Variants in NIT2 observed in about 807,000 individuals in gnomAD.
NIT2 encodes the protein nitrilase family member 2.
In NIT2, 46 loss-of-function variants were observed where a neutral mutation model predicts 42.7. That is an observed-to-expected ratio of 1.08 (90% CI 0.85 to 1.38). The LOEUF (loss-of-function observed/expected upper bound fraction) is 1.38, where lower values mean the gene tolerates loss of function less well. NIT2 is among the 40% of genes most tolerant of loss of function. NIT2 has a pLI of 0.00. For synonymous variants in NIT2, 123 were observed against 121.9 expected (o/e 1.01, Z -0.06); for missense variants, 309 against 342.5 (o/e 0.90, Z 0.77).
At chr3:100,355,085 G>C in intron 9 of NIT2, 92 bp from the exon 10 acceptor site, 1 of 930,306 alleles carries the variant, frequency 1.1e-6, no homozygotes. Context: ...TACTTACTAA[G>C]ACTCTGGTGG....
At chr3:100,349,107 A>AATT in intron 7 of NIT2, 1 of 316,776 alleles carries the variant, frequency 3.2e-6, no homozygotes, top group Non-Finnish European at 5.7e-6. Context: ...TGGAAACTGT[A>AATT]CTTTTTTTTT....
chr3:100,341,047 T>C (rs372174190), intron 3 of NIT2, 26 bp from the exon 4 acceptor site: 6 of 1,477,918 alleles, frequency 4.1e-6, no homozygotes, highest in East Asian at 2.3e-5. Context: ...CTTTTTCTTA[T>C]GGTATGTTTC....
chr3:100,352,615 A>C (rs1236963551), intron 8 of NIT2, 113 bp downstream of exon 8: 2 of 646,162 alleles, frequency 3.1e-6, no homozygotes, highest in Non-Finnish European at 5.5e-6. Flanking sequence ...TCTCACTCCC[A>C]TTTCCCCACA....
rs2148886050 is a variant in NIT2 at position 100,358,163 on chromosome 3, T to G, written c.*2895T>G. On this transcript the variant is annotated 3_prime_UTR_variant, in exon 10 of 10. Coordinates refer to ENST00000394140, the MANE Select transcript of NIT2 (RefSeq NM_020202.5). Reference sequence around the variant, plus strand: ...CAGGAGATCTTGCCTTCTGGTACTCTTGAAAAATATGAAAAGAAACAACTG... The same window carrying G: ...CAGGAGATCTTGCCTTCTGGTACTCGTGAAAAATATGAAAAGAAACAACTG... The G allele has an allele frequency of 6.6e-6, 1 of 152,348 alleles. No homozygotes were observed. Among genetic ancestry groups the G allele is most frequent in the East Asian group, 1.9e-4 (1 of 5,192 alleles). The allele number at this position is 152,348 out of a possible 1,614,324, so 9.4% of individuals were successfully genotyped here. A position where few individuals can be genotyped will look rare whatever the true frequency, so the allele number is the denominator to read the frequency against.
In NIT2 at chr3:100,354,784, A is replaced by G; in HGVS notation, c.696A>G (p.Leu232=). 3 of 1,609,672 alleles carry G rather than the reference A, an allele frequency of 1.9e-6. No homozygotes were observed. The highest frequency in any genetic ancestry group is 1.3e-5 in the African/African-American group (1 of 74,960). ...STVVNPWGEV[L]AKAGTEEAIV... ...GCATCTTTTTCAGGGGGGAGGTTCT[A>G]GCCAAAGCTGGCACAGAAGAAGCAA... The change falls in exon 9 of 10, where the codon CTA becomes CTG. Residue 232 remains leucine (L), a synonymous_variant. Transcript: ENST00000394140.
chr3:100,335,123 A>G (rs1419412352), intron 1 of NIT2: 8 of 410,812 alleles, frequency 1.9e-5, no homozygotes, highest in Admixed American at 1.9e-4. Context: ...GTAGGATCCA[A>G]CTCCCTTGGG....
intron 1 of NIT2, among the ~76,000 whole-genome samples, chr3:100,337,322 A>C (rs548614485): frequency 4.2e-4 from 64 of 152,292 alleles, no homozygotes; most frequent in African/African-American, 1.4e-3. Context: ...GCAGAGCTTC[A>C]TAGATTATAA....
chr3:100,353,071 C>T (rs1199868678), intron 8 of NIT2, among the ~76,000 whole-genome samples: 1 of 152,210 alleles, frequency 6.6e-6, no homozygotes, highest in African/African-American at 2.4e-5. Context: ...TACATTTGTA[C>T]AGTTTACATC....
chr3:100,350,003 T>C (rs1036450297), intron 7 of NIT2: 1 of 152,222 alleles, frequency 6.6e-6, no homozygotes, highest in South Asian at 2.1e-4. Flanking sequence ...ATTTTAAGCA[T>C]AGAGGTTGGT....
At chr3:100,342,115 A>G (rs1320479926) in intron 4 of NIT2, among the ~76,000 whole-genome samples, 1 of 152,016 alleles carries the variant, frequency 6.6e-6, no homozygotes, top group Non-Finnish European at 1.5e-5. Context: ...TCATTATGAA[A>G]TATCTCTTTT....
chr3:100,339,005 C>A, intron 1 of NIT2, 82 bp from the exon 2 acceptor site: 2 of 956,692 alleles, frequency 2.1e-6, no homozygotes, highest in Middle Eastern at 2.1e-4. Flanking sequence ...GACATAACTG[C>A]CTTCCATTTG....
intron 4 of NIT2, among the ~76,000 whole-genome samples, chr3:100,341,987 G>T (rs999434064): frequency 6.6e-6 from 1 of 151,924 alleles, no homozygotes; most frequent in African/African-American, 2.4e-5. Context: ...ACGCTGCAGT[G>T]AGCCAAGATT....
Position 100,334,886 on chromosome 3 carries a change from C to T in NIT2, c.7+88C>T, listed in dbSNP as rs896291325. ...GCCGGCGGTGGCTCGGCCGGCTCAG[C>T]CCCTCCGCCCCGCGTCCCCGCCGTG... On this transcript the variant is annotated intron_variant, in intron 1 of 9. Transcript: ENST00000394140. 3 of 1,158,924 alleles carry T rather than the reference C, an allele frequency of 2.6e-6. No homozygotes were observed. The African/African-American group carries it at 4.8e-5, about 19-fold the overall frequency. The allele number at this position is 1,158,924 out of a possible 1,614,324, so 71.8% of individuals were successfully genotyped here.
In NIT2 at chr3:100,334,806, G is replaced by A; in HGVS notation, c.7+8G>A. On this transcript the variant is annotated splice_region_variant and intron_variant, in intron 1 of 9. Coordinates refer to ENST00000394140, the MANE Select transcript of NIT2 (RefSeq NM_020202.5). ...TCTGCAGAGTCATGACCTGTAAGTG[G>A]CGCGGCCGCGCGCTGCAGCTCGAGT... 1.5e-6 allele frequency: 2 copies of A among 1,302,366 alleles called. No homozygotes were observed. The highest frequency in any genetic ancestry group is 2.8e-5 in the East Asian group (1 of 35,340). The allele number at this position is 1,302,366 out of a possible 1,614,324, so 80.7% of individuals were successfully genotyped here.
Position 100,337,403 on chromosome 3 carries a change from G to A in NIT2, c.8-1684G>A, listed in dbSNP as rs570994412. Among the ~76,000 whole-genome samples the A allele has an allele frequency of 3.9e-5, 6 of 152,266 alleles. No homozygotes were observed. In the South Asian group the frequency reaches 1.2e-3, roughly 32 times the overall value. Reference sequence around the variant, plus strand: ...GGAACTATGTATCCATCAGGGTCCAGACAGGACATGGAAACAACACTAGTA... The same window carrying A: ...GGAACTATGTATCCATCAGGGTCCAAACAGGACATGGAAACAACACTAGTA... On this transcript the variant is annotated intron_variant, in intron 1 of 9. Coordinates refer to ENST00000394140, the MANE Select transcript of NIT2 (RefSeq NM_020202.5).
chr3:100,345,679 G>T lies in NIT2; in HGVS notation c.430+1G>T. The T allele has an allele frequency of 6.3e-7, 1 of 1,587,458 alleles. No individual in the cohort carries two copies. Among genetic ancestry groups the T allele is most frequent in the Non-Finnish European group, 8.6e-7 (1 of 1,156,378 alleles). The stretch of plus-strand genomic sequence containing the variant: ...GATAGTTTCTCCACATTTGATACTC[G>T]TATGTACCAGATAAGTTTGCCTCTT... On this transcript the variant is annotated splice_donor_variant, in intron 5 of 9. Transcript: ENST00000394140. LOFTEE classifies it high-confidence loss of function.
intron 4 of NIT2, among the ~76,000 whole-genome samples, chr3:100,343,934 G>A (rs149608871): frequency 6.6e-6 from 1 of 152,182 alleles, no homozygotes; most frequent in African/African-American, 2.4e-5. Context: ...TGAATATTTT[G>A]TTTTAACTGA....
chr3:100,336,690 C>A lies in NIT2; in HGVS notation c.7+1892C>A, dbSNP rs573661990. The stretch of plus-strand genomic sequence containing the variant: ...CTTAAAGAGCAGTATTGCTGCCCGC[C>A]TGTCCCCCTTCCAGCCCTAAGGCGG... On this transcript the variant is annotated intron_variant, in intron 1 of 9. Transcript: ENST00000394140. Among the ~76,000 whole-genome samples the A allele has an allele frequency of 1.9e-4, 29 of 152,360 alleles. No individual in the cohort carries two copies. The East Asian group carries it at 2.1e-3, about 11-fold the overall frequency.
At chr3:100,351,561 A>C (rs1020971781) in intron 7 of NIT2, among the ~76,000 whole-genome samples, 4 of 152,234 alleles carry the variant, frequency 2.6e-5, no homozygotes, top group Non-Finnish European at 2.9e-5. Context: ...CATATGTAGA[A>C]AGCTGAAACT....
Sources: gnomAD v4.1 joint callset for allele counts (sites outside exome capture counted in the v4.1 genomes callset) on GRCh38, gnomAD v4.1.1 for gene constraint, MANE v1.5 for transcripts, NCBI Gene and HGNC (gene_info 2026-07-23, HGNC 2026-07-21) for gene names.